Variants in INTS1 observed in about 807,000 individuals in gnomAD.
The protein encoded by INTS1 is integrator complex subunit 1.
A neutral mutation model predicts 241.6 loss-of-function variants in INTS1; 137 were observed. The observed-to-expected ratio is 0.57, with a 90% CI of 0.49 to 0.65. INTS1 has a LOEUF of 0.65. Among genes scored for constraint, INTS1 ranks in the 30% least tolerant of loss-of-function variants. The pLI is 0.00. For missense variants in INTS1, 3,073 were observed against 3,032.2 expected, an observed-to-expected ratio of 1.01 and a Z score of -0.32; for synonymous variants, 1,692 against 1,337.8, an observed-to-expected ratio of 1.26 and a Z score of -5.78.
chr7:1,484,005 A>G lies in INTS1; in HGVS notation c.3427T>C (p.Trp1143Arg), dbSNP rs766511832. ...GCCGTAGACCTCCTCGCCCTCACCC[A>G]GCTGTAGACCTCCTCGCCCTCCTTG... ...QSKEGEEVYS[W>R]SESQDQVFLR... The change falls in exon 25 of 48, where the codon TGG becomes CGG. Residue 1143 changes from tryptophan to arginine, a missense_variant and splice_region_variant. Coordinates refer to ENST00000404767, the MANE Select transcript of INTS1 (RefSeq NM_001080453.3). The G allele has an allele frequency of 1.9e-6, 3 of 1,605,982 alleles. No homozygotes were observed. The highest frequency in any genetic ancestry group is 1.7e-5 in the Admixed American group (1 of 59,884).
rs372134913 is a variant in INTS1 at position 1,489,616 on chromosome 7, G to C, written c.2232C>G (p.Val744=). The C allele has an allele frequency of 6.3e-7, 1 of 1,589,508 alleles. No homozygotes were observed. Among genetic ancestry groups the C allele is most frequent in the Non-Finnish European group, 8.6e-7 (1 of 1,166,656 alleles). ...YWKAWPLLLV[V]AAFNPENIGL... ...CGATGTTCTCTGGGTTGAATGCGGC[G>C]ACGACCAGCAGGAGGGGCCAGGCCT... The change falls in exon 17 of 48, where the codon GTC becomes GTG. Residue 744 remains valine (V), a synonymous_variant. Coordinates refer to ENST00000404767, the MANE Select transcript of INTS1 (RefSeq NM_001080453.3).
In INTS1 at chr7:1,493,206, TG is replaced by T; in HGVS notation, c.2069-101del. On this transcript the variant is annotated intron_variant, in intron 15 of 47. Coordinates refer to ENST00000404767, the MANE Select transcript of INTS1 (RefSeq NM_001080453.3). The surrounding 1 kb of genome is among the most constrained non-coding windows in gnomAD (Gnocchi z 5.3). ...CTGCTCGGGCCGCGTCGGGGTGGGG[TG>T]GGGGATGCCGCAGGGTGGGGCGCAG... The T allele has an allele frequency of 2.2e-6, 1 of 460,738 alleles. No homozygotes were observed. The allele number at this position is 460,738 out of a possible 1,614,324, so 28.5% of individuals were successfully genotyped here.
At chr7:1,487,283 G>T in intron 20 of INTS1, 37 bp downstream of exon 20, 1 of 1,562,318 alleles carries the variant, frequency 6.4e-7, no homozygotes. Context: ...GGCCTCCCAA[G>T]ACCACCATCT....
At position 1,493,723 on chromosome 7, in the gene INTS1, G is replaced by C. The variant is rs541773752; in HGVS notation, c.2068+31C>G. On this transcript the variant is annotated intron_variant, in intron 15 of 47. Coordinates refer to ENST00000404767, the MANE Select transcript of INTS1 (RefSeq NM_001080453.3). This position sits in a 1 kb window ranked among gnomAD's most constrained non-coding sequence, Gnocchi z 5.3. Reference sequence around the variant, plus strand: ...TGCAGGGACGAGGGGAGCAGACCCAGCACAGGCGCCATCCCCTGCAGAAGC... The same window carrying C: ...TGCAGGGACGAGGGGAGCAGACCCACCACAGGCGCCATCCCCTGCAGAAGC... 1.5e-5 allele frequency: 23 copies of C among 1,553,526 alleles called. No individual in the cohort carries two copies. In the Admixed American group the frequency reaches 2.3e-4, roughly 16 times the overall value.
At chr7:1,479,401 TCC>T in intron 31 of INTS1, 27 bp downstream of exon 31, 1 of 1,551,750 alleles carries the variant, frequency 6.4e-7, no homozygotes, top group Non-Finnish European at 8.7e-7. Flanking sequence ...ACTGCCCTCC[TCC>T]CCCGCAAGAG....
rs1447822089 is a variant in INTS1 at position 1,476,307 on chromosome 7, C to G, written c.5300G>C (p.Ser1767Thr). The G allele has an allele frequency of 6.3e-7, 1 of 1,588,230 alleles. No homozygotes were observed. Among genetic ancestry groups the G allele is most frequent in the Non-Finnish European group, 8.6e-7 (1 of 1,169,118 alleles). Residue 1767 changes from serine to threonine, a missense_variant, in exon 38 of 48, where the codon AGC becomes ACC. Physicochemically the swap from Ser to Thr is moderately conservative, Grantham distance 58. Transcript: ENST00000404767. Reference protein sequence around the residue: ...LIQARLPLLLSCCCGDDESVR... With the variant: ...LIQARLPLLLTCCCGDDESVR... The stretch of plus-strand genomic sequence containing the variant: ...ACTCTCATCGTCCCCACAGCAGCAG[C>G]TGAGCAGCAGGGGCAGCCGGGCCTG...
At chr7:1,501,662 G>A (rs990732619) in intron 3 of INTS1, among the ~76,000 whole-genome samples, 1 of 152,164 alleles carries the variant, frequency 6.6e-6, no homozygotes, top group South Asian at 2.1e-4. Flanking sequence ...CCAGGATGAG[G>A]CCTGTGGTCT....
Position 1,474,332 on chromosome 7 carries a change from G to A in INTS1, c.5665C>T (p.His1889Tyr). Residue 1889 changes from histidine (H) to tyrosine (Y), a missense_variant, in exon 41 of 48, where the codon CAC becomes TAC. Physicochemically the swap from His to Tyr is moderately conservative, Grantham distance 83. Transcript: ENST00000404767. Reference protein sequence around the residue: ...RHLPMIAALLHGRTHLNFQEF... With the variant: ...RHLPMIAALLYGRTHLNFQEF... ...TGGAAGTTGAGGTGGGTGCGGCCGT[G>A]CAGGAGCGCCGCGATCATGGGCAGG... The A allele has an allele frequency of 6.2e-7, 1 of 1,603,972 alleles. No individual in the cohort carries two copies. Among genetic ancestry groups the A allele is most frequent in the South Asian group, 1.1e-5 (1 of 90,730 alleles).
chr7:1,503,028 G>A lies in INTS1; in HGVS notation c.222C>T (p.Leu74=). The A allele has an allele frequency of 1.9e-6, 3 of 1,613,782 alleles. No individual in the cohort carries two copies. The highest frequency in any genetic ancestry group is 2.5e-6 in the Non-Finnish European group (3 of 1,179,870). ...ALSSASALTG[L]TKRPKLSSTP... ...TGGAGGAGAGTTTGGGGCGTTTGGTGAGACCGGTGAGGGCCGAGGCACTGG... is the reference window on the plus strand; with the variant it reads ...TGGAGGAGAGTTTGGGGCGTTTGGTAAGACCGGTGAGGGCCGAGGCACTGG... Residue 74 remains leucine (L), a synonymous_variant, in exon 3 of 48, where the codon CTC becomes CTT. Coordinates refer to ENST00000404767, the MANE Select transcript of INTS1 (RefSeq NM_001080453.3).
chr7:1,488,059 G>A, intron 18 of INTS1, 102 bp from the exon 19 acceptor site: 1 of 1,169,934 alleles, frequency 8.5e-7, no homozygotes, highest in Non-Finnish European at 1.3e-6. Context: ...TACGGCTGCT[G>A]CTGCCTCTGC....
Position 1,493,876 on chromosome 7 carries a change from AAAATGGGCACCTCG to A in INTS1, c.1932_1945del (p.Glu645GlyfsTer28). 4 of 1,566,632 alleles carry A rather than the reference AAAATGGGCACCTCG, an allele frequency of 2.6e-6. No individual in the cohort carries two copies. Among genetic ancestry groups the A allele is most frequent in the Non-Finnish European group, 3.5e-6 (4 of 1,156,424 alleles). The stretch of plus-strand genomic sequence containing the variant: ...CAGGATGCGCATCAGCGTGTCCTCC[AAAATGGGCACCTCG>A]GAGCACAGACGCAGGAAGAAGCTGC... On this transcript the variant is annotated frameshift_variant, in exon 15 of 48. Coordinates refer to ENST00000404767, the MANE Select transcript of INTS1 (RefSeq NM_001080453.3). LOFTEE classifies it high-confidence loss of function. This position sits in a 1 kb window ranked among gnomAD's most constrained non-coding sequence, Gnocchi z 5.3.
Position 1,481,085 on chromosome 7 carries a change from G to A in INTS1, c.3851-152C>T, listed in dbSNP as rs1467481605. The A allele has an allele frequency of 4.3e-6, 3 of 691,866 alleles. No individual in the cohort carries two copies. The highest frequency in any genetic ancestry group is 7.6e-6 in the Non-Finnish European group (3 of 396,782). The allele number at this position is 691,866 out of a possible 1,614,324, so 42.9% of individuals were successfully genotyped here. ...CTGGGTGAGCTCAGTCAGCACTGAG[G>A]CCCCAACAGCTCCCTCCAAGCTCAA... On this transcript the variant is annotated intron_variant, in intron 28 of 47. Transcript: ENST00000404767. The surrounding 1 kb of genome is among the most constrained non-coding windows in gnomAD (Gnocchi z 6.8).
intron 33 of INTS1, 34 bp downstream of exon 33, chr7:1,478,332 G>A (rs772037032): frequency 1.6e-5 from 26 of 1,605,632 alleles, no homozygotes; most frequent in East Asian, 1.6e-4. Flanking sequence ...TCCCAGGGCC[G>A]CCGTGGCCCA....
Position 1,486,893 on chromosome 7 carries a change from G to A in INTS1, c.2826+29C>T, listed in dbSNP as rs367961256. On this transcript the variant is annotated intron_variant, in intron 21 of 47. Transcript: ENST00000404767. The stretch of plus-strand genomic sequence containing the variant: ...CTGACAGGGGTGCGGGGTGAGAGGC[G>A]GGGGGGCTGAGGGGTGGGCGGCCCT... The A allele has an allele frequency of 2.3e-5, 36 of 1,584,812 alleles. No homozygotes were observed. In the East Asian group the frequency reaches 2.3e-4, roughly 10 times the overall value.
At chr7:1,475,321 G>A (rs1280558755) in intron 39 of INTS1, among the ~76,000 whole-genome samples, 1 of 152,120 alleles carries the variant, frequency 6.6e-6, no homozygotes, top group Non-Finnish European at 1.5e-5. Context: ...GGGGGTTGAG[G>A]CTGCAGTGAG....
At chr7:1,479,038 G>A (rs1781869273) in intron 31 of INTS1, among the ~76,000 whole-genome samples, 153 bp from the exon 32 acceptor site, 1 of 152,212 alleles carries the variant, frequency 6.6e-6, no homozygotes, top group South Asian at 2.1e-4. Flanking sequence ...TGTCTGAAAC[G>A]GTGCCTCCCC....
intron 18 of INTS1, among the ~76,000 whole-genome samples, chr7:1,488,621 C>CCA (rs140153000): frequency 3.3e-5 from 5 of 151,948 alleles, no homozygotes; most frequent in African/African-American, 4.8e-5. Context: ...GATCCCAACG[C>CCA]CACACACACA....
chr7:1,499,527 T>G lies in INTS1; in HGVS notation c.790A>C (p.Arg264=), dbSNP rs748332636. 1.7e-5 allele frequency: 28 copies of G among 1,612,554 alleles called. No homozygotes were observed. Among genetic ancestry groups the G allele is most frequent in the African/African-American group, 4.0e-5 (3 of 74,834 alleles). The change falls in exon 6 of 48, where the codon AGG becomes CGG. Residue 264 remains arginine (R), a synonymous_variant. Coordinates refer to ENST00000404767, the MANE Select transcript of INTS1 (RefSeq NM_001080453.3). ...QTAFNTRMPP[R]SVLLQGEAGR... Reference sequence around the variant, plus strand: ...GCCTCCCCCTGCAGCAGCACGCTCCTGGGGGGCATTCTGGTGTTGAAGGCC... The same window carrying G: ...GCCTCCCCCTGCAGCAGCACGCTCCGGGGGGGCATTCTGGTGTTGAAGGCC...
At chr7:1,473,967 T>A (rs1188673074) in intron 41 of INTS1, among the ~76,000 whole-genome samples, 1 of 152,224 alleles carries the variant, frequency 6.6e-6, no homozygotes, top group Non-Finnish European at 1.5e-5. Context: ...GCTGGGCTTC[T>A]GAAGGACGTG....
Sources: allele counts gnomAD v4.1 joint callset (sites outside exome capture counted in the v4.1 genomes callset), GRCh38; gene constraint gnomAD v4.1.1; non-coding constraint Gnocchi (gnomAD v3.1); transcripts MANE v1.5; gene names NCBI Gene and HGNC (gene_info 2026-07-23, HGNC 2026-07-21).